The following PHF24 variants were observed in gnomAD, a reference collection of about 807,000 sequenced individuals.
PHF24 encodes the protein Galpha inhibitory interacting protein.
Under a neutral mutation model 42.6 loss-of-function variants are expected in PHF24, and 25 were observed. The observed-to-expected ratio is 0.59, with a 90% CI of 0.43 to 0.82. PHF24 has a LOEUF of 0.82. Among genes scored for constraint, PHF24 ranks in the 40% least tolerant of loss-of-function variants. The pLI, the probability that PHF24 is intolerant of heterozygous loss-of-function variation, is 0.00. For synonymous variants in PHF24, 185 were observed against 204.8 expected (o/e 0.90, Z 0.83); for missense variants, 470 against 538.1 (o/e 0.87, Z 1.25).
chr9:34,945,352 G>A, the PHF24 span, among the ~76,000 whole-genome samples: 1 of 152,206 alleles, frequency 6.6e-6, no homozygotes, highest in African/African-American at 2.4e-5. Context: ...TTTGGAAGGG[G>A]TGAGGGAGGG....
chr9:34,724,011 G>A, the PHF24 span: 148 of 1,547,338 alleles, frequency 9.6e-5, 1 homozygote, highest in African/African-American at 7.0e-4. Context: ...TCAGCAGGGC[G>A]TCTCTCTTCT....
chr9:34,793,563 A>G, the PHF24 span, among the ~76,000 whole-genome samples: 1 of 152,164 alleles, frequency 6.6e-6, no homozygotes, highest in Non-Finnish European at 1.5e-5. Flanking sequence ...TCAATAGACC[A>G]CTGAACCAGT....
the PHF24 span, among the ~76,000 whole-genome samples, chr9:34,737,858 T>A: frequency 6.6e-6 from 1 of 152,186 alleles, no homozygotes; most frequent in Non-Finnish European, 1.5e-5. Flanking sequence ...GTCTGTTTCC[T>A]CTCCTCTTGA....
the PHF24 span, among the ~76,000 whole-genome samples, chr9:34,943,988 A>G: frequency 6.6e-6 from 1 of 152,252 alleles, no homozygotes; most frequent in East Asian, 1.9e-4. Context: ...GCCATAAGAC[A>G]TAATCAACTG....
the PHF24 span, among the ~76,000 whole-genome samples, chr9:34,828,797 T>C: frequency 6.6e-6 from 1 of 152,220 alleles, no homozygotes; most frequent in Non-Finnish European, 1.5e-5. Flanking sequence ...TCTTTGTTCC[T>C]CTATTTACTG....
chr9:34,921,857 C>G, the PHF24 span, among the ~76,000 whole-genome samples: 1 of 152,194 alleles, frequency 6.6e-6, no homozygotes, highest in Non-Finnish European at 1.5e-5. Flanking sequence ...AGGCAGTTTT[C>G]TTTGCTTAGA....
At chr9:34,670,639 A>C in the PHF24 span, among the ~76,000 whole-genome samples, 3 of 152,092 alleles carry the variant, frequency 2.0e-5, no homozygotes, top group Non-Finnish European at 4.4e-5. Flanking sequence ...CACTATTACC[A>C]TTAGGGGAAG....
the PHF24 span, among the ~76,000 whole-genome samples, chr9:34,785,555 T>C: frequency 6.6e-6 from 1 of 152,194 alleles, no homozygotes; most frequent in Non-Finnish European, 1.5e-5. Flanking sequence ...TGCAAGGCTG[T>C]AAGGGAATAA....
At chr9:34,919,584 G>C in the PHF24 span, among the ~76,000 whole-genome samples, 1 of 151,356 alleles carries the variant, frequency 6.6e-6, no homozygotes, top group African/African-American at 2.4e-5. Flanking sequence ...ATCTCTTTTA[G>C]TTATTTTTTA....
chr9:34,926,487 C>A, the PHF24 span, among the ~76,000 whole-genome samples: 1 of 152,174 alleles, frequency 6.6e-6, no homozygotes, highest in Non-Finnish European at 1.5e-5. The surrounding 1 kb of genome is among the most constrained non-coding windows in gnomAD (Gnocchi z 4.3). Context: ...GCCCAGGACA[C>A]AGCTGCACAA....
At chr9:34,806,729 C>T in the PHF24 span, among the ~76,000 whole-genome samples, 2 of 152,120 alleles carry the variant, frequency 1.3e-5, no homozygotes, top group Admixed American at 1.3e-4. Flanking sequence ...AAAGTGCTGG[C>T]ATTACAGGCA....
At chr9:34,966,793 C>G (rs1826787600) in intron 1 of PHF24, among the ~76,000 whole-genome samples, 1 of 152,128 alleles carries the variant, frequency 6.6e-6, no homozygotes, top group South Asian at 2.1e-4. Flanking sequence ...ACCCAAACTC[C>G]TGGTCTCAAG....
the PHF24 span, among the ~76,000 whole-genome samples, chr9:34,817,849 G>A: frequency 6.6e-6 from 1 of 152,254 alleles, no homozygotes; most frequent in East Asian, 1.9e-4. Flanking sequence ...ACTATCTATT[G>A]AAGACTATTG....
At chr9:34,865,358 G>GT in the PHF24 span, among the ~76,000 whole-genome samples, 3 of 152,018 alleles carry the variant, frequency 2.0e-5, no homozygotes, top group Non-Finnish European at 4.4e-5. Flanking sequence ...GAGGTCAGGA[G>GT]TTTGAGACTA....
chr9:34,908,507 C>T, the PHF24 span, among the ~76,000 whole-genome samples: 3 of 152,052 alleles, frequency 2.0e-5, no homozygotes, highest in Non-Finnish European at 4.4e-5. Context: ...GAGACTAAGT[C>T]AAGAGTATAA....
At chr9:34,788,020 C>G in the PHF24 span, among the ~76,000 whole-genome samples, 1 of 152,130 alleles carries the variant, frequency 6.6e-6, no homozygotes, top group Admixed American at 6.5e-5. Flanking sequence ...AATCCCATCA[C>G]TCAGAAGCAA....
chr9:34,744,015 G>A, the PHF24 span, among the ~76,000 whole-genome samples: 12 of 152,082 alleles, frequency 7.9e-5, no homozygotes, highest in African/African-American at 2.9e-4. Flanking sequence ...CTGTGATAAC[G>A]GCATTAATCC....
the PHF24 span, among the ~76,000 whole-genome samples, chr9:34,827,093 C>G: frequency 6.6e-6 from 1 of 152,144 alleles, no homozygotes; most frequent in Non-Finnish European, 1.5e-5. Flanking sequence ...TGAGCCCATG[C>G]TGGCCTCAAG....
At chr9:34,958,211 GTGCTCCGGC>G (rs1222600952), upstream of PHF24, 48 of 154,216 alleles carry the variant, frequency 3.1e-4, no homozygotes, top group Non-Finnish European at 4.8e-4. The surrounding 1 kb of genome is among the most constrained non-coding windows in gnomAD (Gnocchi z 4.5). Flanking sequence ...GCGGGTGGGT[GTGCTCCGGC>G]CGCGCGCGCC....
Sources: gnomAD v4.1 joint callset for allele counts (sites outside exome capture counted in the v4.1 genomes callset) on GRCh38, gnomAD v4.1.1 for gene constraint, Gnocchi (gnomAD v3.1) non-coding constraint, MANE v1.5 for transcripts, NCBI Gene and HGNC (gene_info 2026-07-23, HGNC 2026-07-21) for gene names.